SASH1: variants seen among roughly 807,000 people sequenced by gnomAD.
SASH1 encodes SAM and SH3 domain-containing protein 1.
A neutral mutation model predicts 125.2 loss-of-function variants in SASH1; 44 were observed. The ratio of observed to expected loss-of-function variants is 0.35; its 90% CI spans 0.28 to 0.45. The LOEUF (loss-of-function observed/expected upper bound fraction) is 0.45, where lower values mean the gene tolerates loss of function less well. Ranked by LOEUF, SASH1 falls within the 20% of genes least tolerant of loss-of-function variation. SASH1 has a pLI of 1.00. For missense variants in SASH1, 1,426 were observed against 1,614.5 expected, an observed-to-expected ratio of 0.88 and a Z score of 2.00; for synonymous variants, 639 against 649.1, an observed-to-expected ratio of 0.98 and a Z score of 0.24.
chr6:148,546,742 C>T lies in SASH1; in HGVS notation c.3480+596C>T, dbSNP rs1782594875. On this transcript the variant is annotated intron_variant, in intron 19 of 19. Coordinates refer to ENST00000367467, the MANE Select transcript of SASH1 (RefSeq NM_015278.5). ...ATTTATCAACACACCACGTTTTACA[C>T]CATAAATACACACAATTTTTACTTG... Among the ~76,000 whole-genome samples the T allele has an allele frequency of 2.0e-5, 3 of 152,320 alleles. No homozygotes were observed. The East Asian group carries it at 5.8e-4, about 29-fold the overall frequency.
chr6:148,426,591 G>A (rs1307865876), intron 2 of SASH1, among the ~76,000 whole-genome samples: 1 of 152,168 alleles, frequency 6.6e-6, no homozygotes, highest in Non-Finnish European at 1.5e-5. Context: ...GTGGCTTAGA[G>A]TTGAAATGCA....
At chr6:148,457,923 C>T (rs193176828) in intron 4 of SASH1, among the ~76,000 whole-genome samples, 2 of 152,276 alleles carry the variant, frequency 1.3e-5, no homozygotes, top group East Asian at 3.9e-4. Flanking sequence ...CTCACTATCG[C>T]GAGAACAGCA....
chr6:148,222,386 C>T, the SASH1 span, among the ~76,000 whole-genome samples: 1 of 152,246 alleles, frequency 6.6e-6, no homozygotes, highest in East Asian at 1.9e-4. Context: ...AGCACAGAGG[C>T]TGGAGGTACT....
intron 4 of SASH1, among the ~76,000 whole-genome samples, chr6:148,459,020 ACACC>A (rs1405261156): frequency 4.4e-5 from 6 of 134,976 alleles, no homozygotes; most frequent in African/African-American, 1.7e-4. Context: ...ACACACACAC[ACACC>A]CTCTAGCATA....
intron 2 of SASH1, among the ~76,000 whole-genome samples, chr6:148,413,818 C>G (rs543706728): frequency 6.6e-6 from 1 of 152,212 alleles, no homozygotes; most frequent in South Asian, 2.1e-4. Flanking sequence ...CCTTCTGCTC[C>G]CCTCTTCTTT....
chr6:148,439,394 C>T (rs189232538), intron 2 of SASH1, among the ~76,000 whole-genome samples: 2 of 152,304 alleles, frequency 1.3e-5, no homozygotes, highest in East Asian at 3.9e-4. Flanking sequence ...TTTAAGGCTG[C>T]AAGATAACAT....
At chr6:148,541,523 C>T (rs1291677606) in intron 17 of SASH1, among the ~76,000 whole-genome samples, 1 of 151,886 alleles carries the variant, frequency 6.6e-6, no homozygotes, top group African/African-American at 2.4e-5. Context: ...TGTGTTTGTG[C>T]TTGTGTACAT....
chr6:148,377,769 C>G lies in SASH1; in HGVS notation c.157-12365C>G, dbSNP rs7349938. 3.9e-5 allele frequency among the ~76,000 whole-genome samples: 6 copies of G among 152,080 alleles called. No individual in the cohort carries two copies. In the South Asian group the frequency reaches 8.3e-4, roughly 21 times the overall value. On this transcript the variant is annotated intron_variant, in intron 1 of 19. Coordinates refer to ENST00000367467, the MANE Select transcript of SASH1 (RefSeq NM_015278.5). ...CCACTCATGTGATATAACTTGGTCC[C>G]ATCAAATAATAGGAGAAATTTTAAC...
rs563465919 is a variant in SASH1, at chr6:148,421,569, G to T, written c.286-18615G>T. 2.0e-5 allele frequency among the ~76,000 whole-genome samples: 3 copies of T among 152,364 alleles called. No homozygotes were observed. The East Asian group carries it at 5.8e-4, about 29-fold the overall frequency. ...TCCACCCACCTTGGCCTCCCAAAGT[G>T]CTGGGATTACAGGCATGAGCCACTG... On this transcript the variant is annotated intron_variant, in intron 2 of 19. Coordinates refer to ENST00000367467, the MANE Select transcript of SASH1 (RefSeq NM_015278.5).
chr6:148,536,397 T>C (rs1781848793), intron 16 of SASH1, among the ~76,000 whole-genome samples: 2 of 152,236 alleles, frequency 1.3e-5, no homozygotes, highest in African/African-American at 4.8e-5. Context: ...TGGAGTGCAG[T>C]GGTGCGATCT....
intron 1 of SASH1, among the ~76,000 whole-genome samples, chr6:148,288,088 A>G (rs1157826915): frequency 6.6e-6 from 1 of 152,242 alleles, no homozygotes; most frequent in East Asian, 1.9e-4. Context: ...TGCTTGTGGC[A>G]GTGGGACATA....
At chr6:148,472,277 C>T (rs117231855) in intron 6 of SASH1, among the ~76,000 whole-genome samples, 4,164 of 152,154 alleles carry the variant, frequency 0.027, 71 homozygotes, top group Non-Finnish European at 0.044. Context: ...ATTATCAGTA[C>T]GCGTGGAAAT....
intron 1 of SASH1, among the ~76,000 whole-genome samples, chr6:148,272,989 G>A (rs1006344654): frequency 6.6e-6 from 1 of 152,118 alleles, no homozygotes; most frequent in African/African-American, 2.4e-5. Flanking sequence ...GCTGAACATG[G>A]GGGCTCATGC....
chr6:148,276,517 A>C (rs1435744382), intron 1 of SASH1, among the ~76,000 whole-genome samples: 3 of 152,208 alleles, frequency 2.0e-5, no homozygotes, highest in African/African-American at 7.2e-5. Context: ...AACAGCGCCC[A>C]GTCGATTTGT....
intron 4 of SASH1, among the ~76,000 whole-genome samples, chr6:148,455,038 A>G (rs532947241): frequency 6.6e-6 from 1 of 152,154 alleles, no homozygotes; most frequent in Non-Finnish European, 1.5e-5. Context: ...CACTTGCAGT[A>G]TTGCTTATTT....
At chr6:148,287,683 G>A (rs765104008) in intron 1 of SASH1, among the ~76,000 whole-genome samples, 8 of 75,738 alleles carry the variant, frequency 1.1e-4, no homozygotes, top group South Asian at 4.4e-4. Context: ...TAATCAGTGC[G>A]TGCGTGTGTG....
chr6:148,512,412 C>T (rs757913637), intron 8 of SASH1: 21 of 940,314 alleles, frequency 2.2e-5, no homozygotes, highest in Admixed American at 6.2e-5. Flanking sequence ...TTTTGAGCTA[C>T]ATCAAGAGAG....
intron 1 of SASH1, among the ~76,000 whole-genome samples, chr6:148,322,357 A>T (rs1780654970): frequency 6.6e-6 from 1 of 152,144 alleles, no homozygotes; most frequent in South Asian, 2.1e-4. Context: ...GTCTCAAATA[A>T]AATAAAATAA....
At chr6:148,481,803 A>G (rs894743536) in intron 7 of SASH1, among the ~76,000 whole-genome samples, 1 of 152,222 alleles carries the variant, frequency 6.6e-6, no homozygotes, top group African/African-American at 2.4e-5. Flanking sequence ...AGAATGAAAA[A>G]GTTTGAAATA....
Sources: gnomAD v4.1 joint callset for allele counts (sites outside exome capture counted in the v4.1 genomes callset) on GRCh38, gnomAD v4.1.1 for gene constraint, MANE v1.5 for transcripts, NCBI Gene and HGNC (gene_info 2026-07-23, HGNC 2026-07-21) for gene names.